RASSF1: variants seen among roughly 807,000 people sequenced by gnomAD.
RASSF1 encodes the protein Ras association domain family member 1.
Under a neutral mutation model 34.3 loss-of-function variants are expected in RASSF1, and 33 were observed. The ratio of observed to expected loss-of-function variants is 0.96; its 90% CI spans 0.73 to 1.29. The LOEUF is 1.29. Among genes scored for constraint, RASSF1 ranks in the 50% most tolerant of loss-of-function variants. The pLI is 0.00. For synonymous variants in RASSF1, 191 were observed against 195.0 expected (o/e 0.98, Z 0.17); for missense variants, 445 against 471.8 (o/e 0.94, Z 0.53).
At chr3:50,336,035 T>C (rs1703123714) in intron 2 of RASSF1, among the ~76,000 whole-genome samples, 1 of 152,242 alleles carries the variant, frequency 6.6e-6, no homozygotes, top group South Asian at 2.1e-4. Context: ...CCCAAGTAGC[T>C]GGGATTACAG....
rs782054373 is a variant in RASSF1, at chr3:50,330,774, A to G, written c.877-47T>C. The G allele has an allele frequency of 3.5e-5, 56 of 1,590,632 alleles. No individual in the cohort carries two copies. Among genetic ancestry groups the G allele is most frequent in the Middle Eastern group, 1.7e-4 (1 of 6,016 alleles). On this transcript the variant is annotated intron_variant, in intron 5 of 5. Coordinates refer to ENST00000359365, the MANE Select transcript of RASSF1 (RefSeq NM_007182.5). The surrounding 1 kb of genome is among the most constrained non-coding windows in gnomAD (Gnocchi z 4.5). The stretch of plus-strand genomic sequence containing the variant: ...TGTACAGGCTGCAGAAGGGATGGCC[A>G]AGCCAGCAGACCCTCCCCAGAGAAG...
chr3:50,337,193 GAGC>G, intron 2 of RASSF1: 1 of 1,612,062 alleles, frequency 6.2e-7, no homozygotes, highest in Non-Finnish European at 8.5e-7. Context: ...CGCGGCCTGC[GAGC>G]TAGCGAGGTT....
chr3:50,339,394 C>G (rs1703281440), intron 1 of RASSF1, among the ~76,000 whole-genome samples: 1 of 122,898 alleles, frequency 8.1e-6, no homozygotes, highest in African/African-American at 3.3e-5. Flanking sequence ...GAGACAGAGT[C>G]TCACTCTGTC....
chr3:50,337,180 C>A (rs1444106658), intron 2 of RASSF1: 2 of 1,610,672 alleles, frequency 1.2e-6, no homozygotes, highest in East Asian at 2.2e-5. Flanking sequence ...CACCTGGTCC[C>A]GGCGCGGCCT....
chr3:50,331,019 G>A (rs1418391315), intron 5 of RASSF1, among the ~76,000 whole-genome samples: 1 of 152,198 alleles, frequency 6.6e-6, no homozygotes, highest in Non-Finnish European at 1.5e-5. Context: ...TAATACCTTG[G>A]AGCCAGAAAG....
intron 2 of RASSF1, chr3:50,337,477 C>G: frequency 6.5e-7 from 1 of 1,548,048 alleles, no homozygotes. Context: ...GGATCTAGCT[C>G]TTGTCTCATT....
chr3:50,337,547 T>C (rs1703197726), intron 2 of RASSF1: 1 of 1,481,996 alleles, frequency 6.7e-7, no homozygotes, highest in Non-Finnish European at 9.0e-7. Context: ...ACCTCATCGC[T>C]CCGGAGCTCC....
Position 50,331,468 on chromosome 3 carries a change from G to T in RASSF1, c.761-19C>A. The T allele has an allele frequency of 6.4e-7, 1 of 1,569,550 alleles. No homozygotes were observed. The highest frequency in any genetic ancestry group is 1.1e-5 in the South Asian group (1 of 88,156). On this transcript the variant is annotated intron_variant, in intron 4 of 5. Coordinates refer to ENST00000359365, the MANE Select transcript of RASSF1 (RefSeq NM_007182.5). The stretch of plus-strand genomic sequence containing the variant: ...AAGTACACTGTGAAGGGGAAGTAAT[G>T]ATCAGAGACAGGGCCAGCTGCTCAG...
Position 50,340,732 on chromosome 3 carries a change from C to T in RASSF1, c.74G>A (p.Arg25Gln), listed in dbSNP as rs1703335443. Residue 25 changes from arginine (R) to glutamine (Q), a missense_variant, in exon 1 of 6, where the codon CGG (arginine) becomes CAG (glutamine). Coordinates refer to ENST00000359365, the MANE Select transcript of RASSF1 (RefSeq NM_007182.5). ...GCGCAGCGCGTTGGCACGCTCCAGCCGGGTGCGGCCCTTCCCAGCGCGCCC... is the reference window on the plus strand; with the variant it reads ...GCGCAGCGCGTTGGCACGCTCCAGCTGGGTGCGGCCCTTCCCAGCGCGCCC... Reference protein sequence around the residue: ...PAGRAGKGRTRLERANALRIA... With the variant: ...PAGRAGKGRTQLERANALRIA... 4 of 1,518,006 alleles carry T rather than the reference C, an allele frequency of 2.6e-6. No individual in the cohort carries two copies. The South Asian group carries it at 4.8e-5, about 18-fold the overall frequency. 94.0% of individuals were successfully genotyped at this position (1,518,006 alleles called of 1,614,324 possible). A position where few individuals can be genotyped will look rare whatever the true frequency, so the allele number is the denominator to read the frequency against.
In RASSF1 at chr3:50,340,695, G is replaced by A. The variant is rs369853132; in HGVS notation, c.111C>T (p.Gly37=). 5.4e-5 allele frequency: 83 copies of A among 1,531,520 alleles called. No individual in the cohort carries two copies. Among genetic ancestry groups the A allele is most frequent in the African/African-American group, 4.4e-4 (31 of 69,922 alleles). The allele number at this position is 1,531,520 out of a possible 1,614,324, so 94.9% of individuals were successfully genotyped here. The change falls in exon 1 of 6, where the codon GGC becomes GGT. Residue 37 remains glycine, a synonymous_variant. Coordinates refer to ENST00000359365, the MANE Select transcript of RASSF1 (RefSeq NM_007182.5). ...GCTGCCGTGTGGGGTTGCACGCGGT[G>A]CCCCGCGCGATGCGCAGCGCGTTGG... is the stretch of plus-strand genomic sequence containing the variant. The part of the protein sequence containing the change: ...ERANALRIAR[G]TACNPTRQLV...
intron 1 of RASSF1, chr3:50,338,223 C>A: frequency 7.2e-7 from 1 of 1,392,552 alleles, no homozygotes; most frequent in Non-Finnish European, 9.3e-7. Context: ...GAGAGGCCTG[C>A]TCAACAGTTG....
At chr3:50,332,985 T>C (rs1303014670) in intron 2 of RASSF1, among the ~76,000 whole-genome samples, 1 of 152,050 alleles carries the variant, frequency 6.6e-6, no homozygotes, top group South Asian at 2.1e-4. Context: ...TCCCAGCTAC[T>C]TAGGAGGCTG....
Position 50,330,856 on chromosome 3 carries a change from G to A in RASSF1, c.877-129C>T, listed in dbSNP as rs953233226. 17 of 1,081,230 alleles carry A rather than the reference G, an allele frequency of 1.6e-5. No homozygotes were observed. The highest frequency in any genetic ancestry group is 2.2e-5 in the Non-Finnish European group (17 of 765,198). The allele number at this position is 1,081,230 out of a possible 1,614,324, so 67.0% of individuals were successfully genotyped here. A position where few individuals can be genotyped will look rare whatever the true frequency, so the allele number is the denominator to read the frequency against. ...TGGGCTTTCTGATGTCAGGCTCTTG[G>A]CTGAATGATCTCTGGTAGGATCCCT... is the stretch of plus-strand genomic sequence containing the variant. On this transcript the variant is annotated intron_variant, in intron 5 of 5. Coordinates refer to ENST00000359365, the MANE Select transcript of RASSF1 (RefSeq NM_007182.5). The surrounding 1 kb of genome is among the most constrained non-coding windows in gnomAD (Gnocchi z 4.5).
chr3:50,337,411 C>T, intron 2 of RASSF1: 4 of 1,583,414 alleles, frequency 2.5e-6, no homozygotes, highest in Non-Finnish European at 3.4e-6. Flanking sequence ...TCAGTGTGCG[C>T]GTGCGCCCGG....
intron 5 of RASSF1, 89 bp downstream of exon 5, chr3:50,331,245 C>T: frequency 9.4e-7 from 1 of 1,067,058 alleles, no homozygotes; most frequent in Non-Finnish European, 1.3e-6. Flanking sequence ...GCTTGTCTTC[C>T]AGCACAATTC....
At chr3:50,340,388 A>C (rs1703318587) in intron 1 of RASSF1, among the ~76,000 whole-genome samples, 168 bp downstream of exon 1, 1 of 152,244 alleles carries the variant, frequency 6.6e-6, no homozygotes, top group Non-Finnish European at 1.5e-5. Flanking sequence ...GGAGTGCGAC[A>C]AGGGATAAAC....
At chr3:50,337,070 A>G in intron 2 of RASSF1, 1 of 1,362,182 alleles carries the variant, frequency 7.3e-7, no homozygotes, top group South Asian at 1.5e-5. Context: ...CGTAGCCAGG[A>G]GGGTGGGGCT....
chr3:50,332,689 G>A (rs1702989478), intron 2 of RASSF1, among the ~76,000 whole-genome samples: 2 of 152,146 alleles, frequency 1.3e-5, no homozygotes, highest in South Asian at 2.1e-4. Flanking sequence ...CTGTTCAGGA[G>A]GCTGAGGTGG....
chr3:50,337,946 C>T lies in RASSF1; in HGVS notation c.316G>A (p.Asp106Asn), dbSNP rs759167141. 1.4e-5 allele frequency: 22 copies of T among 1,612,002 alleles called. No individual in the cohort carries two copies. Among genetic ancestry groups the T allele is most frequent in the Middle Eastern group, 1.6e-4 (1 of 6,062 alleles). ...LVCLDCCGPRDLGWEPAVERD... is the reference protein window; with the variant it reads ...LVCLDCCGPRNLGWEPAVERD... Reference sequence around the variant, plus strand: ...TCCACCGCGGGTTCCCAGCCCAGGTCCCGGGGCCCGCAACAGTCCAGGCAG... The same window carrying T: ...TCCACCGCGGGTTCCCAGCCCAGGTTCCGGGGCCCGCAACAGTCCAGGCAG... Residue 106 changes from aspartate to asparagine, a missense_variant, in exon 2 of 6, where the codon GAC becomes AAC. Physicochemically the swap from Asp to Asn is conservative, Grantham distance 23 (BLOSUM62 1). Transcript: ENST00000359365.
Sources: gnomAD v4.1 joint callset for allele counts (sites outside exome capture counted in the v4.1 genomes callset) on GRCh38, gnomAD v4.1.1 for gene constraint, Gnocchi (gnomAD v3.1) non-coding constraint, MANE v1.5 for transcripts, NCBI Gene and HGNC (gene_info 2026-07-23, HGNC 2026-07-21) for gene names.